SHISA9: variants seen among roughly 807,000 people sequenced by gnomAD.
SHISA9 encodes the protein protein shisa-9.
Under a neutral mutation model 38.0 loss-of-function variants are expected in SHISA9, and 13 were observed. The observed-to-expected ratio is 0.34, with a 90% CI of 0.22 to 0.54. The LOEUF is 0.54. Among genes scored for constraint, SHISA9 ranks in the 20% least tolerant of loss-of-function variants. The pLI is 0.91. For synonymous variants in SHISA9, 275 were observed against 242.0 expected, an observed-to-expected ratio of 1.14 and a Z score of -1.27; for missense variants, 538 against 575.8, an observed-to-expected ratio of 0.93 and a Z score of 0.67.
At chr16:13,038,256 C>G (rs187054438) in intron 2 of SHISA9, among the ~76,000 whole-genome samples, 1 of 152,340 alleles carries the variant, frequency 6.6e-6, no homozygotes, top group Non-Finnish European at 1.5e-5. Flanking sequence ...TCCCAAAGTG[C>G]TGGGATTACA....
intron 2 of SHISA9, among the ~76,000 whole-genome samples, chr16:13,077,504 T>G (rs2073596968): frequency 6.6e-6 from 1 of 152,062 alleles, no homozygotes; most frequent in Non-Finnish European, 1.5e-5. Flanking sequence ...AAGTGGGGCT[T>G]TTTAGTATAA....
At chr16:13,335,990 A>G in the SHISA9 span, among the ~76,000 whole-genome samples, 4 of 152,174 alleles carry the variant, frequency 2.6e-5, no homozygotes, top group African/African-American at 9.7e-5. Context: ...CCGCCTGACA[A>G]CCGCCCATCT....
At chr16:13,046,288 T>C (rs2073188103) in intron 2 of SHISA9, among the ~76,000 whole-genome samples, 1 of 152,204 alleles carries the variant, frequency 6.6e-6, no homozygotes, top group Admixed American at 6.5e-5. Context: ...TTAGGTCCTA[T>C]ATGAGCTGAC....
chr16:13,436,141 C>T, the SHISA9 span, among the ~76,000 whole-genome samples: 2 of 152,140 alleles, frequency 1.3e-5, no homozygotes, highest in Non-Finnish European at 2.9e-5. Flanking sequence ...AAGGCTGAAA[C>T]CTACTGGGCT....
At chr16:13,058,618 A>G (rs2073337255) in intron 2 of SHISA9, among the ~76,000 whole-genome samples, 1 of 152,214 alleles carries the variant, frequency 6.6e-6, no homozygotes, top group Non-Finnish European at 1.5e-5. Flanking sequence ...GTTCTCTTCT[A>G]GTCTTCCACT....
intron 1 of SHISA9, among the ~76,000 whole-genome samples, chr16:12,907,049 C>T (rs568965582): frequency 0.013 from 1,763 of 139,510 alleles, 11 homozygotes; most frequent in Admixed American, 0.027. Flanking sequence ...CCCCTTCCCC[C>T]TTCCCTCCTT....
At position 13,235,186 on chromosome 16, in the gene SHISA9, G is replaced by A. The variant is rs2051370036; in HGVS notation, c.1052G>A (p.Arg351His). Residue 351 changes from arginine (R) to histidine (H), a missense_variant, in exon 5 of 5, where the codon CGC becomes CAC. By Grantham distance (29) the Arg-to-His change is conservative. Around this residue, in one of 4 missense-constraint regions of SHISA9, gnomAD observed 326 missense variants for 305.9 expected, o/e 1.07. Transcript: ENST00000558583. ...GCCAAGCAGAATGGACAGAAGTCCC[G>A]CACCAACAAGATGCCCCCACATCCC... ...GPAKQNGQKS[R>H]TNKMPPHPLA... 3 of 1,551,552 alleles carry A rather than the reference G, an allele frequency of 1.9e-6. No homozygotes were observed. The highest frequency in any genetic ancestry group is 1.7e-6 in the Non-Finnish European group (2 of 1,146,990).
At chr16:13,011,440 C>T (rs1458914275) in intron 2 of SHISA9, among the ~76,000 whole-genome samples, 1 of 151,332 alleles carries the variant, frequency 6.6e-6, no homozygotes, top group East Asian at 1.9e-4. Context: ...GCTCATCCTA[C>T]ATATCTGCTA....
intron 2 of SHISA9, among the ~76,000 whole-genome samples, chr16:13,035,004 GA>G (rs796189760): frequency 2.6e-5 from 4 of 151,812 alleles, no homozygotes; most frequent in African/African-American, 4.8e-5. Context: ...TTTTTTAAAA[GA>G]AAAAAAAGCT....
intron 2 of SHISA9, among the ~76,000 whole-genome samples, chr16:13,015,853 C>CCTTTCTTTGTTTGTTTCTTTCTTT (rs1555454797): frequency 2.0e-5 from 2 of 98,558 alleles, no homozygotes; most frequent in African/African-American, 3.7e-5. Context: ...TCTTTCTTTC[C>CCTTTCTTTGTTTGTTTCTTTCTTT]CTTTCTTTCT....
chr16:12,968,964 G>A (rs1380011421), intron 2 of SHISA9, among the ~76,000 whole-genome samples: 1 of 151,932 alleles, frequency 6.6e-6, no homozygotes, highest in Non-Finnish European at 1.5e-5. Flanking sequence ...AGACCAGCCT[G>A]GCCAACATGG....
intron 2 of SHISA9, among the ~76,000 whole-genome samples, chr16:12,970,474 T>TAC (rs1487550205): frequency 5.1e-5 from 1 of 19,494 alleles, no homozygotes; most frequent in African/African-American, 1.8e-4. Context: ...TGTGTGTATA[T>TAC]ATATATATAT....
chr16:12,943,275 G>A (rs1458497230), intron 2 of SHISA9, among the ~76,000 whole-genome samples: 3 of 64,206 alleles, frequency 4.7e-5, no homozygotes, highest in African/African-American at 2.0e-4. Flanking sequence ...ACAGAGTATG[G>A]TGTGTGTGTG....
chr16:12,938,301 C>G (rs947537348), intron 2 of SHISA9, among the ~76,000 whole-genome samples: 3 of 152,208 alleles, frequency 2.0e-5, no homozygotes, highest in Non-Finnish European at 2.9e-5. Context: ...CTTACTGCAA[C>G]TCTCCCTGGA....
Position 13,088,422 on chromosome 16 carries a change from G to A in SHISA9, c.692-114972G>A, listed in dbSNP as rs370041883. On this transcript the variant is annotated intron_variant, in intron 2 of 4. Coordinates refer to ENST00000558583, the MANE Select transcript of SHISA9 (RefSeq NM_001145204.3). Reference sequence around the variant, plus strand: ...CCTTGGGCAATATGGCCATTTTCACGATATTGATTCTTCCTATCCATGAGC... The same window carrying A: ...CCTTGGGCAATATGGCCATTTTCACAATATTGATTCTTCCTATCCATGAGC... 5.6e-4 allele frequency among the ~76,000 whole-genome samples: 85 copies of A among 152,224 alleles called. 1 individual carries two copies. The East Asian group carries it at 0.012, about 21-fold the overall frequency.
rs192027242 is a variant in SHISA9 at position 13,155,641 on chromosome 16, G to T, written c.692-47753G>T. On this transcript the variant is annotated intron_variant, in intron 2 of 4. Transcript: ENST00000558583. ...ACGTACATATGCACATATGGTGGGG[G>T]TAGGGCACTGTGCTAGTCAAGGTAC... Among the ~76,000 whole-genome samples the T allele has an allele frequency of 5.1e-3, 779 of 152,216 alleles. 6 individuals are homozygous for T. The highest frequency in any genetic ancestry group is 4.8e-3 in the Non-Finnish European group (327 of 67,998).
chr16:13,004,239 A>G (rs1056158072), intron 2 of SHISA9, among the ~76,000 whole-genome samples: 1 of 152,200 alleles, frequency 6.6e-6, no homozygotes, highest in East Asian at 1.9e-4. Context: ...CAACTTGTCC[A>G]TTTTATTGGG....
chr16:13,050,650 G>C (rs1342110074), intron 2 of SHISA9, among the ~76,000 whole-genome samples: 1 of 152,178 alleles, frequency 6.6e-6, no homozygotes, highest in Admixed American at 6.5e-5. Flanking sequence ...ATTGTTTATA[G>C]TACACATATA....
intron 2 of SHISA9, among the ~76,000 whole-genome samples, chr16:13,019,477 T>A (rs907593560): frequency 1.1e-4 from 17 of 152,132 alleles, no homozygotes; most frequent in South Asian, 6.2e-4. Context: ...TTCAGATTTT[T>A]AAAAAAATTA....
Sources: allele counts gnomAD v4.1 joint callset (sites outside exome capture counted in the v4.1 genomes callset), GRCh38; gene constraint gnomAD v4.1.1; regional missense constraint gnomAD v4.1.1; transcripts MANE v1.5; gene names NCBI Gene and HGNC (gene_info 2026-07-23, HGNC 2026-07-21).